The following SNX10 variants were observed in gnomAD, a reference collection of about 807,000 sequenced individuals.
The protein encoded by SNX10 is sorting nexin-10.
In SNX10, 25 loss-of-function variants were observed where a neutral mutation model predicts 28.5. The ratio of observed to expected loss-of-function variants is 0.88; its 90% confidence interval spans 0.64 to 1.22. The LOEUF (loss-of-function observed/expected upper bound fraction) is 1.22. Among genes scored for constraint, SNX10 ranks in the 50% most tolerant of loss-of-function variants. SNX10 has a pLI of 0.00. For missense variants in SNX10, 223 were observed against 242.6 expected (o/e 0.92, Z 0.54); for synonymous variants, 62 against 81.4 (o/e 0.76, Z 1.28).
intron 1 of SNX10, among the ~76,000 whole-genome samples, chr7:26,336,967 A>G (rs983195223): frequency 6.6e-6 from 1 of 152,240 alleles, no homozygotes; most frequent in Non-Finnish European, 1.5e-5. Flanking sequence ...CCAGAGGTCA[A>G]ATTATCGAGT....
At chr7:26,305,580 C>T (rs1233986023) in intron 1 of SNX10, among the ~76,000 whole-genome samples, 2 of 152,186 alleles carry the variant, frequency 1.3e-5, no homozygotes, top group Non-Finnish European at 2.9e-5. Flanking sequence ...GTCTCTTCAT[C>T]AGCTTGTCTG....
chr7:26,356,480 C>T (rs907354234), intron 2 of SNX10, among the ~76,000 whole-genome samples: 9 of 152,074 alleles, frequency 5.9e-5, no homozygotes, highest in Non-Finnish European at 1.0e-4. Context: ...GTGAGGGATG[C>T]GTCTAATTAA....
intron 2 of SNX10, among the ~76,000 whole-genome samples, chr7:26,351,656 T>TG (rs1473494008): frequency 2.4e-5 from 2 of 82,740 alleles, no homozygotes; most frequent in East Asian, 3.6e-4. Flanking sequence ...GTTTTTTTTT[T>TG]TTGTTTTTTT....
chr7:26,364,321 C>T lies in SNX10; in HGVS notation c.112-214C>T. 7.9e-7 allele frequency: 1 copy of T among 1,271,380 alleles called. No homozygotes were observed. The highest frequency in any genetic ancestry group is 9.9e-7 in the Non-Finnish European group (1 of 1,007,334). The allele number at this position is 1,271,380 out of a possible 1,614,324, so 78.8% of individuals were successfully genotyped here. ...GGCCAGGTCATACCTCACCCTGGGGCAACACTGCTTATTTCCATCATCCTG... is the reference window on the plus strand; with the variant it reads ...GGCCAGGTCATACCTCACCCTGGGGTAACACTGCTTATTTCCATCATCCTG... On this transcript the variant is annotated intron_variant, in intron 3 of 6. Transcript: ENST00000338523. The surrounding 1 kb of genome is among the most constrained non-coding windows in gnomAD (Gnocchi z 4.9).
intron 1 of SNX10, among the ~76,000 whole-genome samples, chr7:26,304,819 A>T (rs1786520269): frequency 6.6e-6 from 1 of 152,298 alleles, no homozygotes; most frequent in South Asian, 2.1e-4. Context: ...GGGAAGAATC[A>T]CACATTCTTT....
intron 1 of SNX10, among the ~76,000 whole-genome samples, chr7:26,338,272 A>G (rs1261680350): frequency 6.6e-6 from 1 of 151,998 alleles, no homozygotes; most frequent in Non-Finnish European, 1.5e-5. Flanking sequence ...ACATGCCACC[A>G]TGTCTGGCTA....
At chr7:26,320,264 G>A (rs954872565) in intron 1 of SNX10, among the ~76,000 whole-genome samples, 1 of 151,814 alleles carries the variant, frequency 6.6e-6, no homozygotes, top group South Asian at 2.1e-4. Context: ...TTACAGGTGT[G>A]AGCCCCTGCT....
At chr7:26,357,877 T>C (rs1357305588) in intron 2 of SNX10, among the ~76,000 whole-genome samples, 3 of 152,028 alleles carry the variant, frequency 2.0e-5, no homozygotes, top group Non-Finnish European at 4.4e-5. Context: ...AAGGGACTTC[T>C]AGGTGGATCA....
chr7:26,300,444 A>G (rs531771384), intron 1 of SNX10, among the ~76,000 whole-genome samples: 11 of 152,230 alleles, frequency 7.2e-5, no homozygotes, highest in Admixed American at 5.9e-4. Context: ...AAATAAAATA[A>G]TACTTAAGAC....
intron 1 of SNX10, among the ~76,000 whole-genome samples, chr7:26,330,009 T>G (rs1787674951): frequency 6.6e-6 from 1 of 151,748 alleles, no homozygotes; most frequent in Non-Finnish European, 1.5e-5. Flanking sequence ...GAACAGCCGA[T>G]TGGGTGAGAA....
intron 1 of SNX10, among the ~76,000 whole-genome samples, chr7:26,303,289 C>T (rs181717679): frequency 4.4e-4 from 67 of 152,346 alleles, no homozygotes; most frequent in Admixed American, 4.1e-3. Context: ...GCAGACAACT[C>T]AAAGGCAACT....
At chr7:26,346,067 C>G (rs936097549) in intron 1 of SNX10, among the ~76,000 whole-genome samples, 2 of 152,128 alleles carry the variant, frequency 1.3e-5, no homozygotes, top group Non-Finnish European at 2.9e-5. Context: ...CGCGTCTTTT[C>G]CAGCCAGCAT....
chr7:26,331,025 C>T lies in SNX10; in HGVS notation c.-23-15395C>T, dbSNP rs74745977. On this transcript the variant is annotated intron_variant, in intron 1 of 6. Transcript: ENST00000338523. The stretch of plus-strand genomic sequence containing the variant: ...AATTATCTGGTCATGGTGGCATGCA[C>T]TTATAGTCCCAGCTATTTGGAAGGC... 3.4e-3 allele frequency among the ~76,000 whole-genome samples: 524 copies of T among 152,226 alleles called. 4 individuals carry two copies. The highest frequency in any genetic ancestry group is 0.012 in the African/African-American group (507 of 41,522).
At chr7:26,311,420 C>T (rs528722941) in intron 1 of SNX10, among the ~76,000 whole-genome samples, 1 of 152,320 alleles carries the variant, frequency 6.6e-6, no homozygotes, top group African/African-American at 2.4e-5. Flanking sequence ...AAAAGTGCCA[C>T]TGCACCTGGC....
At chr7:26,296,442 G>A (rs1014637402) in intron 1 of SNX10, among the ~76,000 whole-genome samples, 1 of 152,106 alleles carries the variant, frequency 6.6e-6, no homozygotes, top group Non-Finnish European at 1.5e-5. Context: ...CTTGGGCCTA[G>A]GAGCTGGAGG....
intron 1 of SNX10, among the ~76,000 whole-genome samples, chr7:26,297,384 G>A (rs1233590276): frequency 1.3e-5 from 2 of 152,200 alleles, no homozygotes; most frequent in African/African-American, 4.8e-5. Flanking sequence ...ATAAGGCACC[G>A]CAGCTGGCCA....
intron 1 of SNX10, among the ~76,000 whole-genome samples, chr7:26,339,346 A>G (rs1023408639): frequency 2.0e-5 from 3 of 152,064 alleles, no homozygotes; most frequent in Non-Finnish European, 4.4e-5. Flanking sequence ...CTCCCACCTC[A>G]GCATCCCAAA....
chr7:26,341,876 CT>C (rs1296503479), intron 1 of SNX10, among the ~76,000 whole-genome samples: 2 of 152,016 alleles, frequency 1.3e-5, no homozygotes, highest in African/African-American at 4.8e-5. Context: ...ACCTAAAGGG[CT>C]TAGTTTTGTC....
Position 26,372,869 on chromosome 7 carries a change from G to A in SNX10, c.*297G>A. 1 of 266,810 alleles carries A rather than the reference G, an allele frequency of 3.7e-6. No individual in the cohort carries two copies. Among genetic ancestry groups the A allele is most frequent in the Non-Finnish European group, 7.1e-6 (1 of 139,874 alleles). The allele number at this position is 266,810 out of a possible 1,614,324, so 16.5% of individuals were successfully genotyped here. On this transcript the variant is annotated 3_prime_UTR_variant, in exon 7 of 7. Coordinates refer to ENST00000338523, the MANE Select transcript of SNX10 (RefSeq NM_013322.3). Reference sequence around the variant, plus strand: ...CTTACATGTTTTAAAAAACCGAGTTGGTTTTATTGAATTTAAAAAGATAGG... The same window carrying A: ...CTTACATGTTTTAAAAAACCGAGTTAGTTTTATTGAATTTAAAAAGATAGG...
Sources: allele counts gnomAD v4.1 joint callset (sites outside exome capture counted in the v4.1 genomes callset), GRCh38; gene constraint gnomAD v4.1.1; non-coding constraint Gnocchi (gnomAD v3.1); transcripts MANE v1.5; gene names NCBI Gene and HGNC (gene_info 2026-07-23, HGNC 2026-07-21).